GPBP1: variants seen among roughly 807,000 people sequenced by gnomAD.
The protein encoded by GPBP1 is vasculin.
Under a neutral mutation model 56.5 loss-of-function variants are expected in GPBP1, and 13 were observed. That is an observed-to-expected ratio of 0.23 (90% confidence interval 0.15 to 0.37). The LOEUF is 0.37. Among genes scored for constraint, GPBP1 ranks in the 10% least tolerant of loss-of-function variants. The pLI, the probability that GPBP1 is intolerant of heterozygous loss-of-function variation, is 1.00. For synonymous variants in GPBP1, 204 were observed against 188.9 expected (o/e 1.08, Z -0.66); for missense variants, 477 against 572.3 (o/e 0.83, Z 1.70).
In GPBP1 at chr5:57,206,394, GTTTAT is replaced by G. The variant is rs568459098; in HGVS notation, c.-57-7672_-57-7668del. ...TATTTAGGTCTGTGATTTATTTTGA[GTTTAT>G]TTTATTTATTTATTTTTGAGACAGA... On this transcript the variant is annotated intron_variant, in intron 2 of 11. Transcript: ENST00000506184. Among the ~76,000 whole-genome samples, 476 of 152,124 alleles carry G rather than the reference GTTTAT, an allele frequency of 3.1e-3. 4 individuals are homozygous for G. The highest frequency in any genetic ancestry group is 0.011 in the African/African-American group (455 of 41,514).
chr5:57,228,271 A>G (rs572848034), intron 3 of GPBP1, among the ~76,000 whole-genome samples: 14 of 152,226 alleles, frequency 9.2e-5, no homozygotes, highest in African/African-American at 3.4e-4. Context: ...CCTGGCCAAT[A>G]TGGTGAAACC....
intron 6 of GPBP1, chr5:57,237,135 A>C: frequency 6.5e-7 from 1 of 1,549,906 alleles, no homozygotes. Flanking sequence ...AGACACACAC[A>C]TACCCAACCA....
At position 57,230,844 on chromosome 5, in the gene GPBP1, AGTC is replaced by A. The variant is rs758921205; in HGVS notation, c.66_68del (p.Ser23del). 18 of 1,601,234 alleles carry A rather than the reference AGTC, an allele frequency of 1.1e-5. No individual in the cohort carries two copies. Among genetic ancestry groups the A allele is most frequent in the Admixed American group, 5.2e-5 (3 of 57,484 alleles). On this transcript the variant is annotated splice_acceptor_variant and coding_sequence_variant, in exon 4 of 12. Transcript: ENST00000506184. LOFTEE classifies it high-confidence loss of function. ...TACCTGTATTTTTATAATTTGTTTC[AGTC>A]GTCATTGAATTTTGAGAAGCATTCT...
chr5:57,214,847 A>G lies in GPBP1; in HGVS notation c.63+654A>G, dbSNP rs568544207. Among the ~76,000 whole-genome samples the G allele has an allele frequency of 9.2e-5, 14 of 152,184 alleles. No individual in the cohort carries two copies. The East Asian group carries it at 2.5e-3, about 27-fold the overall frequency. ...ATTTTTGTATTTTTATTAATAGTAG[A>G]GGTGAGGTTTTGCCATGTTGGCTAG... On this transcript the variant is annotated intron_variant, in intron 3 of 11. Transcript: ENST00000506184.
Position 57,252,715 on chromosome 5 carries a change from AT to A in GPBP1, c.1160+1590del, listed in dbSNP as rs112267138. Among the ~76,000 whole-genome samples, 660 of 140,428 alleles carry A rather than the reference AT, an allele frequency of 4.7e-3. 4 individuals carry two copies. The highest frequency in any genetic ancestry group is 0.011 in the African/African-American group (423 of 38,058). 92.1% of individuals were successfully genotyped at this position (140,428 alleles called of 152,430 possible). On this transcript the variant is annotated intron_variant, in intron 10 of 11. Coordinates refer to ENST00000506184, the MANE Select transcript of GPBP1 (RefSeq NM_022913.4). ...GCCAGTCATTTAGTTTTTATTGTAA[AT>A]TTTTTTTTTTTTTTTGACAGGTCTT... is the stretch of plus-strand genomic sequence containing the variant.
intron 5 of GPBP1, among the ~76,000 whole-genome samples, chr5:57,233,687 ATGT>A (rs2111866249): frequency 6.6e-6 from 1 of 152,294 alleles, no homozygotes; most frequent in African/African-American, 2.4e-5. Flanking sequence ...TCTTGTCTTG[ATGT>A]TGAGTTGACT....
At chr5:57,229,637 C>T (rs960734201) in intron 3 of GPBP1, among the ~76,000 whole-genome samples, 7 of 152,010 alleles carry the variant, frequency 4.6e-5, no homozygotes, top group African/African-American at 1.7e-4. Context: ...CAGGTTCAGG[C>T]AATTCTCCTG....
Position 57,178,173 on chromosome 5 carries a change from C to G in GPBP1, c.-58+1773C>G, listed in dbSNP as rs370550253. Among the ~76,000 whole-genome samples, 59 of 152,290 alleles carry G rather than the reference C, an allele frequency of 3.9e-4. No homozygotes were observed. In the South Asian group the frequency reaches 0.012, roughly 30 times the overall value. On this transcript the variant is annotated intron_variant, in intron 2 of 11. Transcript: ENST00000506184. ...TTTCAAGTTGCTTAACAATATGCAT[C>G]TTAAATAAGATTAAGTTGAACTGGA...
chr5:57,180,613 C>CT, intron 2 of GPBP1, among the ~76,000 whole-genome samples: 1 of 152,094 alleles, frequency 6.6e-6, no homozygotes, highest in Non-Finnish European at 1.5e-5. Flanking sequence ...TATGGAATAT[C>CT]TAGAAAAATG....
chr5:57,182,117 C>G (rs1163633441), intron 2 of GPBP1, among the ~76,000 whole-genome samples: 4 of 152,080 alleles, frequency 2.6e-5, no homozygotes, highest in Non-Finnish European at 4.4e-5. Flanking sequence ...ACGGAGTCTC[C>G]CTCTTGCCCA....
At chr5:57,239,240 G>A (rs1300723536) in intron 6 of GPBP1, among the ~76,000 whole-genome samples, 1 of 152,190 alleles carries the variant, frequency 6.6e-6, no homozygotes, top group East Asian at 1.9e-4. Flanking sequence ...TGAGTAGACA[G>A]CTTGATACAG....
intron 2 of GPBP1, among the ~76,000 whole-genome samples, chr5:57,185,258 CTTT>C (rs747214276): frequency 3.9e-5 from 5 of 128,650 alleles, no homozygotes; most frequent in South Asian, 2.5e-4. Flanking sequence ...TTGGTTAGGT[CTTT>C]TTTTTTTTTT....
At chr5:57,219,775 G>A (rs936334317) in intron 3 of GPBP1, among the ~76,000 whole-genome samples, 10 of 152,234 alleles carry the variant, frequency 6.6e-5, no homozygotes, top group South Asian at 4.1e-4. Flanking sequence ...CATCTGGGCC[G>A]GGTGCGGTGG....
At chr5:57,221,124 T>C (rs563872385) in intron 3 of GPBP1, among the ~76,000 whole-genome samples, 8 of 152,300 alleles carry the variant, frequency 5.3e-5, no homozygotes, top group African/African-American at 1.9e-4. Flanking sequence ...TGTAGAACTT[T>C]AGCCCCATCA....
At chr5:57,184,325 A>G (rs189084882) in intron 2 of GPBP1, among the ~76,000 whole-genome samples, 3 of 152,242 alleles carry the variant, frequency 2.0e-5, no homozygotes, top group Admixed American at 2.0e-4. Flanking sequence ...GAGACTGGAT[A>G]ATTTATAGAG....
chr5:57,174,911 C>G (rs1753730556), intron 1 of GPBP1, among the ~76,000 whole-genome samples: 1 of 152,154 alleles, frequency 6.6e-6, no homozygotes, highest in African/African-American at 2.4e-5. Flanking sequence ...ATTTAAGAAG[C>G]GGGTTTGCCC....
At chr5:57,174,949 C>T (rs1753733540) in intron 1 of GPBP1, among the ~76,000 whole-genome samples, 1 of 152,170 alleles carries the variant, frequency 6.6e-6, no homozygotes, top group South Asian at 2.1e-4. Flanking sequence ...TCTGGCCTTA[C>T]TGGGTGGGAA....
Position 57,189,688 on chromosome 5 carries a change from A to G in GPBP1, c.-58+13288A>G, listed in dbSNP as rs1415829871. ...TTCGATTGTGTCATTATTGTGCTTA[A>G]AACCCTTTAATGTCTTTCCATTGGA... is the stretch of plus-strand genomic sequence containing the variant. On this transcript the variant is annotated intron_variant, in intron 2 of 11. Transcript: ENST00000506184. Among the ~76,000 whole-genome samples the G allele has an allele frequency of 3.9e-5, 6 of 152,332 alleles. No individual in the cohort carries two copies. The East Asian group carries it at 1.2e-3, about 29-fold the overall frequency.
At chr5:57,207,860 C>T (rs868832945) in intron 2 of GPBP1, among the ~76,000 whole-genome samples, 26 of 152,144 alleles carry the variant, frequency 1.7e-4, no homozygotes, top group African/African-American at 5.8e-4. Flanking sequence ...AGCCTGCTTT[C>T]TGTCAGTGTG....
Sources: allele counts gnomAD v4.1 joint callset (sites outside exome capture counted in the v4.1 genomes callset), GRCh38; gene constraint gnomAD v4.1.1; transcripts MANE v1.5; gene names NCBI Gene and HGNC (gene_info 2026-07-23, HGNC 2026-07-21).